The following PASK variants were observed in gnomAD, a reference collection of about 807,000 sequenced individuals.
PASK encodes PAS domain containing serine/threonine kinase, also known as PAS domain-containing serine/threonine-protein kinase.
Under a neutral mutation model 121.0 loss-of-function variants are expected in PASK, and 110 were observed. That is an observed-to-expected ratio of 0.91 (90% CI 0.78 to 1.06). The LOEUF (loss-of-function observed/expected upper bound fraction) is 1.06. PASK is among the 50% of genes least tolerant of loss of function. PASK has a pLI of 0.00. For synonymous variants in PASK, 686 were observed against 717.8 expected (o/e 0.96, Z 0.71); for missense variants, 1,643 against 1,702.3 (o/e 0.97, Z 0.61).
In PASK at chr2:241,130,627, G is replaced by A. The variant is rs186564443; in HGVS notation, c.1463+2247C>T. ...GTAATATTGAAAACTCACGTGTTGA[G>A]CGCCTGCTCTGTTCCACTCGCAGTG... On this transcript the variant is annotated intron_variant, in intron 9 of 17. Transcript: ENST00000234040. Among the ~76,000 whole-genome samples the A allele has an allele frequency of 1.2e-4, 18 of 152,268 alleles. No individual in the cohort carries two copies. In the East Asian group the frequency reaches 3.1e-3, roughly 26 times the overall value.
chr2:241,149,057 G>A (rs373771269), intron 1 of PASK, among the ~76,000 whole-genome samples: 6 of 152,148 alleles, frequency 3.9e-5, no homozygotes, highest in East Asian at 3.9e-4. Flanking sequence ...TGGTTCTCCT[G>A]GAGCTCGCCC....
rs1239988117 is a variant in PASK at position 241,122,735 on chromosome 2, CTTGT to C, written c.3065_3068del (p.Asn1022ArgfsTer5). The stretch of plus-strand genomic sequence containing the variant: ...TCCCCCCCCACAGCCAGGTTACCTC[CTTGT>C]TTTTTTCCTTGTCCACAGCAGTCCA... On this transcript the variant is annotated frameshift_variant, in exon 12 of 18. Coordinates refer to ENST00000234040, the MANE Select transcript of PASK (RefSeq NM_015148.4). LOFTEE classifies it high-confidence loss of function. 1.9e-6 allele frequency: 3 copies of C among 1,613,822 alleles called. No homozygotes were observed. The highest frequency in any genetic ancestry group is 1.3e-5 in the African/African-American group (1 of 74,890).
intron 9 of PASK, among the ~76,000 whole-genome samples, chr2:241,127,911 G>T (rs539404344): frequency 6.6e-6 from 1 of 152,232 alleles, no homozygotes; most frequent in Admixed American, 6.5e-5. Context: ...AACACCATCC[G>T]ATTTCACAGC....
chr2:241,129,301 G>A (rs1345150750), intron 9 of PASK, among the ~76,000 whole-genome samples: 1 of 152,178 alleles, frequency 6.6e-6, no homozygotes, highest in Non-Finnish European at 1.5e-5. Context: ...GCGGGCTGCT[G>A]CAGCCTCAGT....
rs376372426 is a variant in PASK, at chr2:241,130,690, G to A, written c.1463+2184C>T. On this transcript the variant is annotated intron_variant, in intron 9 of 17. Coordinates refer to ENST00000234040, the MANE Select transcript of PASK (RefSeq NM_015148.4). Reference sequence around the variant, plus strand: ...ATAGAGCCAACAGCTACCCTCTCACGCCACTCAACGCGGACCCACAGTGGC... The same window carrying A: ...ATAGAGCCAACAGCTACCCTCTCACACCACTCAACGCGGACCCACAGTGGC... Among the ~76,000 whole-genome samples, 58 of 152,264 alleles carry A rather than the reference G, an allele frequency of 3.8e-4. 1 individual carries two copies. Among genetic ancestry groups the A allele is most frequent in the African/African-American group, 1.1e-3 (47 of 41,546 alleles).
chr2:241,129,668 C>T (rs953559570), intron 9 of PASK, among the ~76,000 whole-genome samples: 3 of 152,268 alleles, frequency 2.0e-5, no homozygotes, highest in African/African-American at 7.2e-5. Flanking sequence ...TTCAGCATGA[C>T]AGCAACTCAG....
chr2:241,115,833 T>C (rs796332105), intron 12 of PASK, among the ~76,000 whole-genome samples: 4 of 91,170 alleles, frequency 4.4e-5, no homozygotes, highest in Middle Eastern at 9.1e-3. Context: ...CACCCAGTCC[T>C]CAAGCATCCC....
chr2:241,114,862 TTCTC>T, intron 14 of PASK, 177 bp downstream of exon 14: 7 of 1,507,834 alleles, frequency 4.6e-6, no homozygotes, highest in Non-Finnish European at 6.2e-6. Context: ...CAACCTCACT[TTCTC>T]TACTTCAATC....
intron 4 of PASK, chr2:241,139,627 C>A (rs1182766712): frequency 1.6e-5 from 11 of 683,786 alleles, no homozygotes; most frequent in Non-Finnish European, 3.0e-5. Context: ...AAAGCAAGGG[C>A]CACCCACGAC....
intron 6 of PASK, among the ~76,000 whole-genome samples, chr2:241,137,552 G>A (rs36072903): frequency 0.13 from 19,059 of 152,242 alleles, 1,729 homozygotes; most frequent in African/African-American, 0.26. Flanking sequence ...GAGGGAGGGA[G>A]GGAGGACTGT....
In PASK at chr2:241,126,707, C is replaced by A; in HGVS notation, c.2208G>T (p.Val736=). ...CCTTGAGGTTCCAGGAAAACGAATT[C>A]ACATCAACCTCCTGGGCCTCCACTG... ...LEAVEAQEVD[V]NSFSWNLKEL... is the part of the protein sequence containing the mutation. The change falls in exon 10 of 18, where the codon GTG becomes GTT. Residue 736 remains valine (V), a synonymous_variant. Coordinates refer to ENST00000234040, the MANE Select transcript of PASK (RefSeq NM_015148.4). The A allele has an allele frequency of 1.9e-6, 3 of 1,614,214 alleles. No individual in the cohort carries two copies. The highest frequency in any genetic ancestry group is 2.2e-5 in the South Asian group (2 of 91,088).
chr2:241,118,990 T>A (rs1365811532), intron 12 of PASK: 1 of 980,838 alleles, frequency 1.0e-6, no homozygotes, highest in African/African-American at 1.7e-5. Context: ...CCAAGGGCTG[T>A]CAGGCTGGGC....
intron 9 of PASK, among the ~76,000 whole-genome samples, chr2:241,132,219 T>A (rs1271985919): frequency 6.6e-6 from 1 of 151,952 alleles, no homozygotes; most frequent in Non-Finnish European, 1.5e-5. Context: ...TAGAATATTT[T>A]AAAATGTGCA....
chr2:241,141,848 C>T (rs866101855), intron 2 of PASK, among the ~76,000 whole-genome samples: 2 of 152,086 alleles, frequency 1.3e-5, no homozygotes, highest in Non-Finnish European at 2.9e-5. Flanking sequence ...CTGGAAACCA[C>T]GTGGCCATCC....
intron 9 of PASK, 50 bp from the exon 10 acceptor site, chr2:241,127,501 A>G: frequency 4.3e-6 from 6 of 1,388,868 alleles, no homozygotes; most frequent in Non-Finnish European, 6.2e-6. Context: ...AGATGAGTCA[A>G]AAGGAGAGAT....
In PASK at chr2:241,122,648, A is replaced by T. The variant is rs959706155; in HGVS notation, c.3072+84T>A. On this transcript the variant is annotated intron_variant, in intron 12 of 17. Coordinates refer to ENST00000234040, the MANE Select transcript of PASK (RefSeq NM_015148.4). Reference sequence around the variant, plus strand: ...CCATACCTAGAGGACTCCTCCAAAAACCCCAGGTTTGAGAACTGGGACCAA... The same window carrying T: ...CCATACCTAGAGGACTCCTCCAAAATCCCCAGGTTTGAGAACTGGGACCAA... The T allele has an allele frequency of 1.3e-5, 17 of 1,348,820 alleles. No homozygotes were observed. The South Asian group carries it at 1.5e-4, about 12-fold the overall frequency. 83.6% of individuals were successfully genotyped at this position (1,348,820 alleles called of 1,614,324 possible).
chr2:241,135,987 T>G lies in PASK; in HGVS notation c.1190A>C (p.Asn397Thr). Residue 397 changes from asparagine to threonine, a missense_variant, in exon 8 of 18, where the codon AAC becomes ACC. By Grantham distance (65) the Asn-to-Thr change is moderately conservative. Coordinates refer to ENST00000234040, the MANE Select transcript of PASK (RefSeq NM_015148.4). ...GFYSYMDLAYNSSLQLPDLAS... is the reference protein window; with the variant it reads ...GFYSYMDLAYTSSLQLPDLAS... Reference sequence around the variant, plus strand: ...CAGGTCTGGGAGCTGTAATGAGCTGTTGTACGCAAGGTCCATGTAGCTGTA... The same window carrying G: ...CAGGTCTGGGAGCTGTAATGAGCTGGTGTACGCAAGGTCCATGTAGCTGTA... 1 of 1,613,998 alleles carries G rather than the reference T, an allele frequency of 6.2e-7. No individual in the cohort carries two copies. The highest frequency in any genetic ancestry group is 8.5e-7 in the Non-Finnish European group (1 of 1,179,816).
intron 2 of PASK, among the ~76,000 whole-genome samples, 164 bp downstream of exon 2, chr2:241,142,673 G>A (rs1553616662): frequency 1.3e-5 from 2 of 152,232 alleles, no homozygotes; most frequent in Non-Finnish European, 2.9e-5. Context: ...GAAGGGTCCT[G>A]CCGGAGTCAT....
At position 241,108,341 on chromosome 2, in the gene PASK, C is replaced by T. The variant is rs749361888; in HGVS notation, c.3534-41G>A. On this transcript the variant is annotated intron_variant, in intron 15 of 17. Coordinates refer to ENST00000234040, the MANE Select transcript of PASK (RefSeq NM_015148.4). The surrounding 1 kb of genome is among the most constrained non-coding windows in gnomAD (Gnocchi z 5.2). ...GGCATCAGGACGCCACGGCACTCAG[C>T]GCAGGCTTGCCAAGCCCGCCCATGG... is the stretch of plus-strand genomic sequence containing the variant. The T allele has an allele frequency of 3.8e-5, 62 of 1,610,838 alleles. No homozygotes were observed. The highest frequency in any genetic ancestry group is 3.3e-4 in the Middle Eastern group (2 of 6,026).
Sources: allele counts gnomAD v4.1 joint callset (sites outside exome capture counted in the v4.1 genomes callset), GRCh38; gene constraint gnomAD v4.1.1; non-coding constraint Gnocchi (gnomAD v3.1); transcripts MANE v1.5; gene names NCBI Gene and HGNC (gene_info 2026-07-23, HGNC 2026-07-21).